The following RGS7 variants were observed in gnomAD, a reference collection of about 807,000 sequenced individuals.
The protein encoded by RGS7 is regulator of G-protein signaling 7.
A neutral mutation model predicts 81.1 loss-of-function variants in RGS7; 27 were observed. That is an observed-to-expected ratio of 0.33 (90% CI 0.25 to 0.46). RGS7 has a LOEUF of 0.46. RGS7 is among the 20% of genes least tolerant of loss of function. The pLI, the probability that RGS7 is intolerant of heterozygous loss-of-function variation, is 1.00. For missense variants in RGS7, 396 were observed against 607.4 expected, an observed-to-expected ratio of 0.65 and a Z score of 3.66; for synonymous variants, 208 against 207.7, an observed-to-expected ratio of 1.00 and a Z score of -0.01.
chr1:241,070,636 C>A (rs1365583144), intron 3 of RGS7, among the ~76,000 whole-genome samples: 2 of 152,182 alleles, frequency 1.3e-5, no homozygotes, highest in Non-Finnish European at 1.5e-5. Flanking sequence ...CACTACACTG[C>A]AGGCCCAGCT....
At chr1:241,239,557 C>T (rs568666389) in intron 2 of RGS7, among the ~76,000 whole-genome samples, 28 of 152,270 alleles carry the variant, frequency 1.8e-4, no homozygotes, top group Non-Finnish European at 2.5e-4. Flanking sequence ...GGGACATGTA[C>T]TCTGGACAAA....
At chr1:240,838,154 C>A (rs2147863530) in intron 9 of RGS7, among the ~76,000 whole-genome samples, 1 of 152,274 alleles carries the variant, frequency 6.6e-6, no homozygotes, top group African/African-American at 2.4e-5. Flanking sequence ...CTGGGAAGTT[C>A]AAGATCAAGG....
chr1:241,294,232 T>C (rs112354610), intron 2 of RGS7, among the ~76,000 whole-genome samples: 5,014 of 150,696 alleles, frequency 0.033, 247 homozygotes, highest in African/African-American at 0.12. Flanking sequence ...TAAGTAGGAG[T>C]TGAACAATGA....
At chr1:240,863,152 G>A (rs114135325) in intron 9 of RGS7, among the ~76,000 whole-genome samples, 2,738 of 152,066 alleles carry the variant, frequency 0.018, 89 homozygotes, top group African/African-American at 0.06. Context: ...TCACTATGTC[G>A]CCCAGGCTTA....
At chr1:241,087,987 TATATATATACACACACACAC>T (rs1558697905) in intron 3 of RGS7, among the ~76,000 whole-genome samples, 4 of 104,604 alleles carry the variant, frequency 3.8e-5, no homozygotes, top group African/African-American at 1.5e-4. Context: ...TATATATATA[TATATATATACACACACACAC>T]ATATATATAT....
chr1:241,191,938 C>T (rs889080195), intron 2 of RGS7, among the ~76,000 whole-genome samples: 19 of 152,192 alleles, frequency 1.2e-4, no homozygotes, highest in Admixed American at 1.1e-3. Context: ...ATTCAGGCTC[C>T]TTCCTGGGCT....
rs186256266 is a variant in RGS7, at chr1:240,970,852, C to T, written c.226+12227G>A. 1.9e-3 allele frequency among the ~76,000 whole-genome samples: 284 copies of T among 152,088 alleles called. 1 individual carries two copies. Among genetic ancestry groups the T allele is most frequent in the Non-Finnish European group, 3.5e-3 (235 of 67,996 alleles). The stretch of plus-strand genomic sequence containing the variant: ...TACAAAAATTAGCGTGGTGGTGTGC[C>T]CTTGTAATCCCAGCTACACAGGGAG... On this transcript the variant is annotated intron_variant, in intron 4 of 18. Coordinates refer to ENST00000440928, the MANE Select transcript of RGS7 (RefSeq NM_001364886.1).
chr1:241,328,458 A>G (rs1163486687), intron 2 of RGS7, among the ~76,000 whole-genome samples: 1 of 152,220 alleles, frequency 6.6e-6, no homozygotes, highest in Non-Finnish European at 1.5e-5. Context: ...CACTCCTAAC[A>G]TGGGATTCAT....
At chr1:241,138,667 A>G (rs1008453331) in intron 2 of RGS7, among the ~76,000 whole-genome samples, 1 of 152,162 alleles carries the variant, frequency 6.6e-6, no homozygotes, top group African/African-American at 2.4e-5. Flanking sequence ...CTTATTGTCT[A>G]TATCCTCTGT....
At chr1:241,343,186 C>G (rs979363580) in intron 2 of RGS7, among the ~76,000 whole-genome samples, 1 of 150,122 alleles carries the variant, frequency 6.7e-6, no homozygotes, top group Admixed American at 6.7e-5. Flanking sequence ...GGCGTGAACC[C>G]GGGAGGTGGA....
At chr1:241,078,490 T>TGTGTGTGTGTGG (rs2062957264) in intron 3 of RGS7, among the ~76,000 whole-genome samples, 1 of 151,604 alleles carries the variant, frequency 6.6e-6, no homozygotes, top group African/African-American at 2.4e-5. Flanking sequence ...AAGTTATGTG[T>TGTGTGTGTGTGG]GTGTGTGTGT....
At chr1:240,884,207 G>A (rs1666955546) in intron 6 of RGS7, among the ~76,000 whole-genome samples, 2 of 151,944 alleles carry the variant, frequency 1.3e-5, no homozygotes, top group Admixed American at 1.3e-4. Context: ...CTTCATTCAG[G>A]CATGAGTTAT....
intron 6 of RGS7, among the ~76,000 whole-genome samples, chr1:240,900,078 G>A (rs868272522): frequency 6.6e-5 from 10 of 151,904 alleles, no homozygotes; most frequent in Admixed American, 2.6e-4. Context: ...TGATCGAATC[G>A]GCTATTGAAG....
chr1:241,284,811 T>C (rs924451565), intron 2 of RGS7, among the ~76,000 whole-genome samples: 6 of 152,198 alleles, frequency 3.9e-5, no homozygotes, highest in Non-Finnish European at 5.9e-5. Context: ...TTCTGTAGTG[T>C]TTGGCTGGAG....
intron 18 of RGS7, among the ~76,000 whole-genome samples, chr1:240,792,607 CT>C (rs2103015871): frequency 6.6e-6 from 1 of 152,276 alleles, no homozygotes; most frequent in East Asian, 1.9e-4. Flanking sequence ...AGGTCTCTTG[CT>C]AGGCCTTAAC....
At chr1:240,803,023 T>C (rs1036496495) in intron 15 of RGS7, 30 bp from the exon 16 acceptor site, 1 of 1,461,412 alleles carries the variant, frequency 6.8e-7, no homozygotes, top group African/African-American at 1.4e-5. Context: ...GAGGTGCTTC[T>C]TTATGATTTC....
chr1:240,811,826 T>C, intron 14 of RGS7, 92 bp downstream of exon 14: 2 of 1,140,774 alleles, frequency 1.8e-6, no homozygotes, highest in East Asian at 2.3e-5. Context: ...ATGATGTTAG[T>C]GGAAGAATAA....
chr1:240,999,578 C>T (rs1687819068), intron 3 of RGS7, among the ~76,000 whole-genome samples: 1 of 152,010 alleles, frequency 6.6e-6, no homozygotes, highest in Non-Finnish European at 1.5e-5. Context: ...AGAGGTCTTC[C>T]TGGTTCTTGG....
intron 4 of RGS7, among the ~76,000 whole-genome samples, chr1:240,938,531 A>G (rs1011621344): frequency 2.6e-5 from 4 of 152,148 alleles, no homozygotes; most frequent in African/African-American, 9.7e-5. Flanking sequence ...CTACATAAAT[A>G]AACAATTTGT....
Sources: allele counts gnomAD v4.1 joint callset (sites outside exome capture counted in the v4.1 genomes callset), GRCh38; gene constraint gnomAD v4.1.1; transcripts MANE v1.5; gene names NCBI Gene and HGNC (gene_info 2026-07-23, HGNC 2026-07-21).